The following RBFOX1 variants were observed in gnomAD, a reference collection of about 807,000 sequenced individuals.
RBFOX1 encodes the protein RNA binding protein fox-1 homolog 1.
A neutral mutation model predicts 57.7 loss-of-function variants in RBFOX1; 8 were observed. The ratio of observed to expected loss-of-function variants is 0.14; its 90% CI spans 0.08 to 0.25. The LOEUF (loss-of-function observed/expected upper bound fraction) is 0.25, where lower values mean the gene tolerates loss of function less well. Among genes scored for constraint, RBFOX1 ranks in the 10% least tolerant of loss-of-function variants. RBFOX1 has a pLI of 1.00. For missense variants in RBFOX1, 611 were observed against 548.5 expected, an observed-to-expected ratio of 1.11 and a Z score of -1.14; for synonymous variants, 326 against 222.4, an observed-to-expected ratio of 1.47 and a Z score of -4.15.
intron 4 of RBFOX1, among the ~76,000 whole-genome samples, chr16:7,089,313 C>G (rs374034668): frequency 4.6e-5 from 7 of 152,086 alleles, no homozygotes; most frequent in East Asian, 1.9e-4. Flanking sequence ...AGAGTTCTAT[C>G]TAACAACACT....
At chr16:5,388,525 T>C (rs1451202707) in intron 1 of RBFOX1, among the ~76,000 whole-genome samples, 1 of 152,208 alleles carries the variant, frequency 6.6e-6, no homozygotes, top group African/African-American at 2.4e-5. Flanking sequence ...ATTTGGCCTG[T>C]GGTTTGCTGT....
intron 3 of RBFOX1, among the ~76,000 whole-genome samples, chr16:6,887,984 G>A (rs535233011): frequency 5.1e-4 from 77 of 152,010 alleles, no homozygotes; most frequent in Admixed American, 4.0e-3. Flanking sequence ...TTTTATTACT[G>A]CATCTTATTC....
At chr16:7,095,756 C>G (rs1378133909) in intron 4 of RBFOX1, among the ~76,000 whole-genome samples, 1 of 152,178 alleles carries the variant, frequency 6.6e-6, no homozygotes, top group Non-Finnish European at 1.5e-5. Flanking sequence ...GGCATGGTGG[C>G]TCACGCCTGT....
At chr16:6,260,012 C>G (rs2097692399) in intron 1 of RBFOX1, among the ~76,000 whole-genome samples, 3 of 151,374 alleles carry the variant, frequency 2.0e-5, no homozygotes, top group Admixed American at 6.6e-5. Flanking sequence ...TTTCAAATCT[C>G]TGCACATGGC....
intron 3 of RBFOX1, among the ~76,000 whole-genome samples, chr16:6,944,194 A>G (rs895825653): frequency 2.0e-5 from 3 of 152,102 alleles, no homozygotes; most frequent in South Asian, 2.1e-4. Flanking sequence ...CAGGAGTTCA[A>G]GATCAGCCTG....
intron 3 of RBFOX1, among the ~76,000 whole-genome samples, chr16:5,703,289 A>C (rs939200209): frequency 6.6e-6 from 1 of 152,198 alleles, no homozygotes; most frequent in Non-Finnish European, 1.5e-5. Context: ...GGAGGATATG[A>C]TATTTGAACC....
intron 3 of RBFOX1, among the ~76,000 whole-genome samples, chr16:7,004,959 C>T (rs1178411327): frequency 6.6e-6 from 1 of 152,144 alleles, no homozygotes; most frequent in African/African-American, 2.4e-5. Flanking sequence ...GCTTGGCCAA[C>T]ATGGTGAAAC....
chr16:6,424,102 GT>G (rs1228168743), intron 2 of RBFOX1, among the ~76,000 whole-genome samples: 2 of 152,198 alleles, frequency 1.3e-5, no homozygotes, highest in African/African-American at 4.8e-5. Context: ...AGCCAGATAT[GT>G]TGGCATGTGC....
At chr16:5,530,565 C>T (rs954775769) in intron 2 of RBFOX1, among the ~76,000 whole-genome samples, 1 of 152,220 alleles carries the variant, frequency 6.6e-6, no homozygotes, top group African/African-American at 2.4e-5. Flanking sequence ...AACATCTACA[C>T]TGTGGACATT....
chr16:6,784,936 C>T (rs961484663), intron 3 of RBFOX1, among the ~76,000 whole-genome samples: 5 of 152,054 alleles, frequency 3.3e-5, no homozygotes, highest in African/African-American at 1.2e-4. Flanking sequence ...AAAAATAGCA[C>T]AAGCAGTGTT....
intron 4 of RBFOX1, among the ~76,000 whole-genome samples, chr16:7,137,811 G>A (rs2072465721): frequency 6.6e-6 from 1 of 152,206 alleles, no homozygotes; most frequent in South Asian, 2.1e-4. Context: ...GAAGGTTGTA[G>A]TTCATCTGCA....
intron 3 of RBFOX1, among the ~76,000 whole-genome samples, chr16:5,822,379 A>G (rs942978124): frequency 1.3e-5 from 2 of 152,214 alleles, no homozygotes; most frequent in Non-Finnish European, 2.9e-5. Flanking sequence ...AATCTCCACT[A>G]AATAACTTAC....
At chr16:6,926,252 AGCTGAGATCACACCACTG>A (rs533073442) in intron 3 of RBFOX1, among the ~76,000 whole-genome samples, 10 of 152,300 alleles carry the variant, frequency 6.6e-5, no homozygotes, top group South Asian at 2.1e-4. Context: ...GGTTGCAGTG[AGCTGAGATCACACCACTG>A]CGCTACAGCC....
chr16:6,582,376 A>C (rs763451270), intron 2 of RBFOX1, among the ~76,000 whole-genome samples: 1 of 152,144 alleles, frequency 6.6e-6, no homozygotes, highest in African/African-American at 2.4e-5. Context: ...TTAACAATTA[A>C]TGATGCTGAC....
intron 1 of RBFOX1, among the ~76,000 whole-genome samples, chr16:6,122,495 A>T (rs1018667765): frequency 1.3e-5 from 2 of 151,996 alleles, no homozygotes; most frequent in Non-Finnish European, 2.9e-5. Flanking sequence ...CCACTTTCTC[A>T]TTCGAGTTAA....
chr16:7,204,929 C>G (rs942929538), intron 4 of RBFOX1, among the ~76,000 whole-genome samples: 6 of 152,138 alleles, frequency 3.9e-5, no homozygotes, highest in Non-Finnish European at 5.9e-5. Context: ...CTGTCTGGGA[C>G]TATGCACTTC....
Position 7,536,292 on chromosome 16 carries a change from C to A in RBFOX1, c.270+17903C>A, listed in dbSNP as rs144023926. On this transcript the variant is annotated intron_variant, in intron 5 of 15. Coordinates refer to ENST00000550418, the MANE Select transcript of RBFOX1 (RefSeq NM_018723.4). Reference sequence around the variant, plus strand: ...ATTCAAGACTTCCTTAAAGAAGTGACTTTTAACATGAAAATTAGAGGCTGG... The same window carrying A: ...ATTCAAGACTTCCTTAAAGAAGTGAATTTTAACATGAAAATTAGAGGCTGG... 3.9e-5 allele frequency among the ~76,000 whole-genome samples: 6 copies of A among 152,298 alleles called. No individual in the cohort carries two copies. In the East Asian group the frequency reaches 1.2e-3, roughly 29 times the overall value.
At chr16:7,251,567 C>G (rs1242003102) in intron 4 of RBFOX1, among the ~76,000 whole-genome samples, 1 of 151,924 alleles carries the variant, frequency 6.6e-6, no homozygotes, top group African/African-American at 2.4e-5. Context: ...TCTCCCCTCG[C>G]CGCCATCAAG....
At chr16:6,043,827 T>C (rs1324319603) in intron 1 of RBFOX1, among the ~76,000 whole-genome samples, 5 of 152,188 alleles carry the variant, frequency 3.3e-5, no homozygotes, top group African/African-American at 1.2e-4. Context: ...GGTTAAATGA[T>C]ACCAAGGCTT....
Sources: allele counts gnomAD v4.1 joint callset (sites outside exome capture counted in the v4.1 genomes callset), GRCh38; gene constraint gnomAD v4.1.1; transcripts MANE v1.5; gene names NCBI Gene and HGNC (gene_info 2026-07-23, HGNC 2026-07-21).